The following GCNT2 variants were observed in gnomAD, a reference collection of about 807,000 sequenced individuals.
The protein encoded by GCNT2 is glucosaminyl (N-acetyl) transferase 2 (I blood group).
GCNT2 carries 34 observed loss-of-function variants against 34.2 expected under a neutral mutation model. The observed-to-expected ratio is 1.00, with a 90% CI of 0.76 to 1.32. The LOEUF is 1.32. Ranked by LOEUF, GCNT2 falls within the 40% of genes most tolerant of loss-of-function variation. The pLI, the probability that GCNT2 is intolerant of heterozygous loss-of-function variation, is 0.00. For synonymous variants in GCNT2, 212 were observed against 188.0 expected (o/e 1.13, Z -1.04); for missense variants, 584 against 489.4 (o/e 1.19, Z -1.82).
chr6:10,607,494 C>T (rs1765372363), intron 3 of GCNT2, among the ~76,000 whole-genome samples: 1 of 152,156 alleles, frequency 6.6e-6, no homozygotes, highest in Non-Finnish European at 1.5e-5. Context: ...ACCTCCCACC[C>T]AGACCCCAGC....
chr6:10,620,876 G>A (rs933797220), intron 3 of GCNT2, among the ~76,000 whole-genome samples: 10 of 152,104 alleles, frequency 6.6e-5, no homozygotes, highest in African/African-American at 2.2e-4. Flanking sequence ...GACATTTTTG[G>A]TTGTCACAAT....
At chr6:10,625,036 G>A (rs1007260720) in intron 4 of GCNT2, among the ~76,000 whole-genome samples, 1 of 152,046 alleles carries the variant, frequency 6.6e-6, no homozygotes, top group African/African-American at 2.4e-5. Flanking sequence ...CTCGCCGCCT[G>A]GTCATTCTTT....
chr6:10,557,017 C>T (rs1267925215), intron 3 of GCNT2: 2 of 1,613,460 alleles, frequency 1.2e-6, no homozygotes, highest in Non-Finnish European at 1.7e-6. Flanking sequence ...TGAAAACCAA[C>T]AAGGAAATAG....
intron 3 of GCNT2, among the ~76,000 whole-genome samples, chr6:10,583,520 C>T (rs1174481485): frequency 6.6e-6 from 1 of 152,180 alleles, no homozygotes; most frequent in African/African-American, 2.4e-5. Context: ...ATCCCCAGTG[C>T]ACTTCACATT....
chr6:10,625,147 G>T (rs1292406242), intron 4 of GCNT2, among the ~76,000 whole-genome samples: 1 of 152,014 alleles, frequency 6.6e-6, no homozygotes, highest in African/African-American at 2.4e-5. Context: ...CTGTCCTTCT[G>T]TACTAGTGTC....
At chr6:10,533,153 A>C (rs1761579846) in intron 3 of GCNT2, among the ~76,000 whole-genome samples, 1 of 151,698 alleles carries the variant, frequency 6.6e-6, no homozygotes, top group African/African-American at 2.4e-5. Flanking sequence ...TAAAAATACA[A>C]AAATTAGCCG....
chr6:10,551,743 A>T (rs1269356308), intron 3 of GCNT2, among the ~76,000 whole-genome samples: 1 of 143,936 alleles, frequency 6.9e-6, no homozygotes, highest in African/African-American at 2.6e-5. Flanking sequence ...GCGCCTGGCT[A>T]TTTTTTTTTA....
chr6:10,622,256 G>A (rs1041888999), intron 4 of GCNT2, among the ~76,000 whole-genome samples: 4 of 152,170 alleles, frequency 2.6e-5, no homozygotes, highest in Admixed American at 2.0e-4. Flanking sequence ...CTGGGCATGA[G>A]TATTAGTTTG....
chr6:10,608,073 C>CTTTTT (rs576372819), intron 3 of GCNT2, among the ~76,000 whole-genome samples: 1 of 124,762 alleles, frequency 8.0e-6, no homozygotes, highest in African/African-American at 3.2e-5. Context: ...ATGGTATGCA[C>CTTTTT]TTTTTTTTTT....
At position 10,627,585 on chromosome 6, in the gene GCNT2, CTG is replaced by C; in HGVS notation, c.*980_*981del. The C allele has an allele frequency of 6.6e-6, 1 of 152,156 alleles. No homozygotes were observed. The highest frequency in any genetic ancestry group is 1.5e-5 in the Non-Finnish European group (1 of 68,076). 9.4% of individuals were successfully genotyped at this position (152,156 alleles called of 1,614,324 possible). A position where few individuals can be genotyped will look rare whatever the true frequency, so the allele number is the denominator to read the frequency against. ...AGCCTTCAATTGTAGATGAACATCT[CTG>C]TTATTTATCCCTCATTCATCCATCC... On this transcript the variant is annotated 3_prime_UTR_variant, in exon 5 of 5. Transcript: ENST00000495262.
intron 3 of GCNT2, among the ~76,000 whole-genome samples, chr6:10,614,644 A>AAAAAAT (rs1214651898): frequency 6.9e-6 from 1 of 143,936 alleles, no homozygotes; most frequent in African/African-American, 2.7e-5. Context: ...AAAAAAAAAA[A>AAAAAAT]AGAGAAAAAG....
chr6:10,612,055 C>T (rs1452986442), intron 3 of GCNT2, among the ~76,000 whole-genome samples: 1 of 151,958 alleles, frequency 6.6e-6, no homozygotes, highest in East Asian at 1.9e-4. Context: ...GGTGCAATCT[C>T]GGCTCACTGC....
intron 3 of GCNT2, among the ~76,000 whole-genome samples, chr6:10,531,536 G>C (rs1349084657): frequency 6.6e-6 from 1 of 152,200 alleles, no homozygotes; most frequent in Non-Finnish European, 1.5e-5. Context: ...CTCATGTACA[G>C]CCAGGGGTGT....
At chr6:10,558,987 A>T (rs1762845335) in intron 3 of GCNT2, among the ~76,000 whole-genome samples, 1 of 151,948 alleles carries the variant, frequency 6.6e-6, no homozygotes, top group South Asian at 2.1e-4. Context: ...TAAAATTCAT[A>T]AAAGTTGGGT....
intron 3 of GCNT2, among the ~76,000 whole-genome samples, chr6:10,614,625 CAA>C (rs34015959): frequency 1.6e-3 from 173 of 105,874 alleles, no homozygotes; most frequent in East Asian, 9.2e-3. Context: ...GACTCTGTCT[CAA>C]AAAAAAAAAA....
intron 3 of GCNT2, among the ~76,000 whole-genome samples, chr6:10,578,304 C>T (rs1763911039): frequency 6.6e-6 from 1 of 150,858 alleles, no homozygotes; most frequent in Non-Finnish European, 1.5e-5. Flanking sequence ...TCGCTTGAAT[C>T]CAGGAGGCGA....
At chr6:10,586,911 T>A (rs1425576339) in intron 3 of GCNT2, 1 of 1,608,540 alleles carries the variant, frequency 6.2e-7, no homozygotes, top group East Asian at 2.2e-5. Context: ...TAATAGGGTT[T>A]CAGGTAGGTA....
intron 3 of GCNT2, among the ~76,000 whole-genome samples, chr6:10,617,606 G>A (rs960920359): frequency 8.5e-5 from 13 of 152,294 alleles, no homozygotes; most frequent in South Asian, 6.2e-4. Context: ...CTGGGAATGC[G>A]GTCCAGTAGG....
chr6:10,624,460 A>G (rs1259281863), intron 4 of GCNT2, among the ~76,000 whole-genome samples: 1 of 152,134 alleles, frequency 6.6e-6, no homozygotes, highest in Non-Finnish European at 1.5e-5. Flanking sequence ...CCACAAGAAC[A>G]ATCATGGGGG....
Sources: gnomAD v4.1 joint callset for allele counts (sites outside exome capture counted in the v4.1 genomes callset) on GRCh38, gnomAD v4.1.1 for gene constraint, MANE v1.5 for transcripts, NCBI Gene and HGNC (gene_info 2026-07-23, HGNC 2026-07-21) for gene names.